TIA1: variants seen among roughly 807,000 people sequenced by gnomAD.
TIA1 encodes TIA1 cytotoxic granule associated RNA binding protein.
TIA1 carries 23 observed loss-of-function variants against 65.9 expected under a neutral mutation model. That is an observed-to-expected ratio of 0.35 (90% CI 0.25 to 0.49). The LOEUF (loss-of-function observed/expected upper bound fraction) is 0.49, where lower values mean the gene tolerates loss of function less well. Among genes scored for constraint, TIA1 ranks in the 20% least tolerant of loss-of-function variants. The pLI, the probability that TIA1 is intolerant of heterozygous loss-of-function variation, is 0.98. For synonymous variants in TIA1, 147 were observed against 149.4 expected (o/e 0.98, Z 0.12); for missense variants, 371 against 477.9 (o/e 0.78, Z 2.09).
At chr2:70,243,360 G>A (rs1692755365) in intron 1 of TIA1, among the ~76,000 whole-genome samples, 1 of 152,172 alleles carries the variant, frequency 6.6e-6, no homozygotes, top group Non-Finnish European at 1.5e-5. Flanking sequence ...CTGAGAGGTC[G>A]AGGCTACAGT....
chr2:70,216,583 A>G, intron 8 of TIA1, 84 bp from the exon 9 acceptor site: 1 of 1,383,720 alleles, frequency 7.2e-7, no homozygotes, highest in Non-Finnish European at 1.0e-6. Context: ...CACTACTGTA[A>G]AGGTAACATT....
At chr2:70,233,773 A>G (rs557152961) in intron 2 of TIA1, among the ~76,000 whole-genome samples, 1 of 152,266 alleles carries the variant, frequency 6.6e-6, no homozygotes, top group Non-Finnish European at 1.5e-5. Flanking sequence ...CTAAAAAAAA[A>G]AAAAGAAAAA....
chr2:70,241,118 T>C (rs1199423401), intron 1 of TIA1, among the ~76,000 whole-genome samples: 1 of 152,130 alleles, frequency 6.6e-6, no homozygotes, highest in Non-Finnish European at 1.5e-5. Flanking sequence ...GGTATCTGAA[T>C]AGCCTCAAAG....
chr2:70,219,080 CAT>C (rs1172119570), intron 7 of TIA1, among the ~76,000 whole-genome samples: 1 of 152,082 alleles, frequency 6.6e-6, no homozygotes, highest in Non-Finnish European at 1.5e-5. Flanking sequence ...GCCTGTGAGA[CAT>C]ATAAATGAAG....
chr2:70,221,285 G>A (rs1681211245), intron 7 of TIA1, among the ~76,000 whole-genome samples: 1 of 152,078 alleles, frequency 6.6e-6, no homozygotes, highest in Non-Finnish European at 1.5e-5. Context: ...GATTACAAGT[G>A]TGAGCCACCA....
rs1319505195 is a variant in TIA1, at chr2:70,230,224, CAGAG to C, written c.222+528_222+531del. On this transcript the variant is annotated intron_variant, in intron 3 of 12. Transcript: ENST00000433529. Reference sequence around the variant, plus strand: ...CGCCGCTGCACTCCAGCCTGGGCAACAGAGAAAGACCCAACTCAAAAAAAAAAAA... The same window carrying C: ...CGCCGCTGCACTCCAGCCTGGGCAACAAAGACCCAACTCAAAAAAAAAAAA... 2.3e-5 allele frequency among the ~76,000 whole-genome samples: 3 copies of C among 133,110 alleles called. No homozygotes were observed. In the East Asian group the frequency reaches 6.4e-4, roughly 28 times the overall value. The allele number at this position is 133,110 out of a possible 152,430, so 87.3% of individuals were successfully genotyped here.
intron 7 of TIA1, among the ~76,000 whole-genome samples, chr2:70,219,892 T>C (rs1312135284): frequency 6.6e-6 from 1 of 152,020 alleles, no homozygotes; most frequent in Non-Finnish European, 1.5e-5. Flanking sequence ...AAATGCACAT[T>C]CTTAAAAAGA....
intron 6 of TIA1, chr2:70,225,091 A>T: frequency 1.0e-6 from 1 of 1,000,800 alleles, no homozygotes; most frequent in Non-Finnish European, 1.2e-6. Context: ...TAAACTAATT[A>T]AACTATTTAA....
intron 2 of TIA1, 130 bp from the exon 3 acceptor site, chr2:70,230,984 TA>T: frequency 1.6e-6 from 1 of 612,060 alleles, no homozygotes; most frequent in East Asian, 3.1e-5. Flanking sequence ...ATGAATGGTC[TA>T]TTCCACAAGT....
intron 11 of TIA1, among the ~76,000 whole-genome samples, chr2:70,214,832 G>C (rs1325563552): frequency 6.6e-6 from 1 of 152,166 alleles, no homozygotes; most frequent in Non-Finnish European, 1.5e-5. Context: ...AGATAGGGAA[G>C]ATGTGATTAA....
At chr2:70,230,377 G>C (rs978186728) in intron 3 of TIA1, among the ~76,000 whole-genome samples, 1 of 151,654 alleles carries the variant, frequency 6.6e-6, no homozygotes, top group African/African-American at 2.4e-5. Flanking sequence ...TCAGCCAGGC[G>C]CGGTGGCTCA....
At chr2:70,246,219 C>T (rs1051961624) in intron 1 of TIA1, among the ~76,000 whole-genome samples, 2 of 152,038 alleles carry the variant, frequency 1.3e-5, no homozygotes, top group African/African-American at 4.8e-5. Flanking sequence ...CCACTGTGCC[C>T]AGCCAATTAT....
At chr2:70,242,363 T>A (rs1314675131) in intron 1 of TIA1, among the ~76,000 whole-genome samples, 1 of 151,570 alleles carries the variant, frequency 6.6e-6, no homozygotes, top group African/African-American at 2.4e-5. Flanking sequence ...GAAACTTGCC[T>A]CTACTAAAAA....
chr2:70,240,295 C>A (rs1258912159), intron 1 of TIA1, among the ~76,000 whole-genome samples: 6 of 152,106 alleles, frequency 3.9e-5, no homozygotes, highest in Admixed American at 1.3e-4. Flanking sequence ...CTAAATCTAA[C>A]CAAGCTGAAA....
At chr2:70,216,655 C>G in intron 8 of TIA1, 156 bp from the exon 9 acceptor site, 2 of 1,361,368 alleles carry the variant, frequency 1.5e-6, no homozygotes, top group Non-Finnish European at 9.8e-7. Flanking sequence ...AAACCTCCCC[C>G]ACGAATGTCT....
At chr2:70,226,686 G>A (rs1053855468) in intron 6 of TIA1, among the ~76,000 whole-genome samples, 3 of 152,080 alleles carry the variant, frequency 2.0e-5, no homozygotes, top group African/African-American at 4.8e-5. Context: ...CCAGATATTC[G>A]AAAGCAAGCT....
intron 10 of TIA1, 183 bp downstream of exon 10, chr2:70,216,025 T>C (rs1678487195): frequency 3.4e-6 from 2 of 580,884 alleles, no homozygotes; most frequent in Non-Finnish European, 5.9e-6. Flanking sequence ...GTGCTGGGAA[T>C]ACAGGCGTGA....
At chr2:70,219,392 A>G (rs1317132716) in intron 7 of TIA1, among the ~76,000 whole-genome samples, 1 of 152,188 alleles carries the variant, frequency 6.6e-6, no homozygotes, top group East Asian at 1.9e-4. Context: ...AAGTAAATGG[A>G]GTGTAACTTT....
Position 70,216,239 on chromosome 2 carries a change from C to A in TIA1, c.733G>T (p.Val245Phe). ...SPFGQIMEIR[V>F]FPDKGYSFVR... Reference sequence around the variant, plus strand: ...AATGAATATCCTTTATCTGGAAAGACTCGAATTTCCATTATTTGTCCAAAT... The same window carrying A: ...AATGAATATCCTTTATCTGGAAAGAATCGAATTTCCATTATTTGTCCAAAT... The change falls in exon 10 of 13, where the codon GTC becomes TTC. Residue 245 changes from valine (V) to phenylalanine (F), a missense_variant. Physicochemically the swap from Val to Phe is conservative, Grantham distance 50. Transcript: ENST00000433529. 1.3e-6 allele frequency: 2 copies of A among 1,591,674 alleles called. No homozygotes were observed. Among genetic ancestry groups the A allele is most frequent in the Non-Finnish European group, 1.7e-6 (2 of 1,174,052 alleles).
Sources: allele counts gnomAD v4.1 joint callset (sites outside exome capture counted in the v4.1 genomes callset), GRCh38; gene constraint gnomAD v4.1.1; transcripts MANE v1.5; gene names NCBI Gene and HGNC (gene_info 2026-07-23, HGNC 2026-07-21).